CNTNAP2: variants seen among roughly 807,000 people sequenced by gnomAD.
The protein encoded by CNTNAP2 is contactin-associated protein-like 2.
A neutral mutation model predicts 155.2 loss-of-function variants in CNTNAP2; 98 were observed. The ratio of observed to expected loss-of-function variants is 0.63; its 90% CI spans 0.54 to 0.75. The LOEUF (loss-of-function observed/expected upper bound fraction) is 0.75. Ranked by LOEUF, CNTNAP2 falls within the 30% of genes least tolerant of loss-of-function variation. CNTNAP2 has a pLI of 0.00. For missense variants in CNTNAP2, 1,727 were observed against 1,688.1 expected (o/e 1.02, Z -0.40); for synonymous variants, 651 against 631.2 (o/e 1.03, Z -0.47).
intron 1 of CNTNAP2, among the ~76,000 whole-genome samples, chr7:146,656,450 T>C (rs1259491598): frequency 6.6e-6 from 1 of 152,214 alleles, no homozygotes; most frequent in Non-Finnish European, 1.5e-5. Context: ...AAATTGTCAC[T>C]GATCCATGTC....
At chr7:147,505,724 G>A (rs1798895069) in intron 11 of CNTNAP2, among the ~76,000 whole-genome samples, 1 of 152,228 alleles carries the variant, frequency 6.6e-6, no homozygotes, top group African/African-American at 2.4e-5. Context: ...GTTCCCAACA[G>A]GATGAAGTAT....
At chr7:147,055,635 A>G (rs1799547742) in intron 4 of CNTNAP2, among the ~76,000 whole-genome samples, 1 of 152,126 alleles carries the variant, frequency 6.6e-6, no homozygotes, top group African/African-American at 2.4e-5. Context: ...CGCAGGGGAC[A>G]TGGGGGTTGT....
At chr7:146,636,543 G>A (rs73739188) in intron 1 of CNTNAP2, among the ~76,000 whole-genome samples, 3,845 of 152,054 alleles carry the variant, frequency 0.025, 159 homozygotes, top group African/African-American at 0.088. Context: ...AAATTACTTA[G>A]CAACTTTGTA....
intron 2 of CNTNAP2, among the ~76,000 whole-genome samples, chr7:146,821,311 C>T (rs1803277882): frequency 6.6e-6 from 1 of 152,092 alleles, no homozygotes; most frequent in Admixed American, 6.6e-5. Flanking sequence ...ACCAGTTGTT[C>T]CTTTCTATGC....
chr7:146,213,847 C>T lies in CNTNAP2; in HGVS notation c.97+96874C>T, dbSNP rs114773894. Among the ~76,000 whole-genome samples, 783 of 152,248 alleles carry T rather than the reference C, an allele frequency of 5.1e-3. 3 individuals are homozygous for T. The highest frequency in any genetic ancestry group is 0.018 in the African/African-American group (737 of 41,534). ...AAATAAGATGCCATCATTGTTTTTC[C>T]ATGGAATTCAGAGGATTCGGTTACT... On this transcript the variant is annotated intron_variant, in intron 1 of 23. Transcript: ENST00000361727.
intron 3 of CNTNAP2, among the ~76,000 whole-genome samples, chr7:146,954,695 G>T (rs866084249): frequency 1.7e-4 from 25 of 151,192 alleles, no homozygotes; most frequent in African/African-American, 5.8e-4. Context: ...TTTGTGATAT[G>T]TGTTTTATTG....
intron 21 of CNTNAP2, among the ~76,000 whole-genome samples, chr7:148,328,976 GAAA>G (rs71188969): frequency 1.9e-4 from 13 of 69,254 alleles, no homozygotes; most frequent in South Asian, 1.6e-3. Flanking sequence ...ACTCTGTCTG[GAAA>G]AAAAAAAAAA....
chr7:147,473,439 G>A (rs1440329021), intron 10 of CNTNAP2, among the ~76,000 whole-genome samples: 4 of 152,064 alleles, frequency 2.6e-5, no homozygotes, highest in East Asian at 1.9e-4. Context: ...TTCAAATAGC[G>A]GCAGCACCGG....
At chr7:148,009,431 T>C (rs1423970980) in intron 15 of CNTNAP2, among the ~76,000 whole-genome samples, 1 of 152,198 alleles carries the variant, frequency 6.6e-6, no homozygotes. Context: ...GTAGTGTTTT[T>C]GGACAGGAGA....
At chr7:146,695,608 G>T (rs1362188067) in intron 1 of CNTNAP2, among the ~76,000 whole-genome samples, 1 of 151,626 alleles carries the variant, frequency 6.6e-6, no homozygotes, top group Non-Finnish European at 1.5e-5. Context: ...TATTTTTTTT[G>T]TAGAGAAGGG....
chr7:148,102,526 T>G (rs761043069), intron 15 of CNTNAP2, among the ~76,000 whole-genome samples: 3 of 152,194 alleles, frequency 2.0e-5, no homozygotes, highest in Non-Finnish European at 4.4e-5. Context: ...AAAACCTCAA[T>G]TTTACAACTT....
At chr7:148,155,134 C>T (rs547298436) in intron 17 of CNTNAP2, among the ~76,000 whole-genome samples, 1 of 152,130 alleles carries the variant, frequency 6.6e-6, no homozygotes, top group South Asian at 2.1e-4. Context: ...GATAACATTG[C>T]TAATTCTTGT....
intron 4 of CNTNAP2, among the ~76,000 whole-genome samples, chr7:147,046,588 T>TG (rs569866294): frequency 3.3e-5 from 5 of 152,044 alleles, no homozygotes; most frequent in Admixed American, 6.6e-5. Context: ...GGTATAGACT[T>TG]GGGGGGGTAA....
intron 1 of CNTNAP2, among the ~76,000 whole-genome samples, chr7:146,722,217 G>A (rs759920318): frequency 2.6e-5 from 4 of 151,690 alleles, no homozygotes; most frequent in Admixed American, 6.6e-5. Flanking sequence ...TAAACGATAA[G>A]GTGCTCACTA....
intron 13 of CNTNAP2, among the ~76,000 whole-genome samples, chr7:147,736,458 T>G (rs1796846951): frequency 6.6e-6 from 1 of 152,206 alleles, no homozygotes; most frequent in Non-Finnish European, 1.5e-5. Flanking sequence ...CTTAACATTT[T>G]TTTCTTCATT....
chr7:146,412,689 G>A (rs1279107570), intron 1 of CNTNAP2, among the ~76,000 whole-genome samples: 6 of 152,114 alleles, frequency 3.9e-5, no homozygotes, highest in Admixed American at 1.3e-4. Context: ...TCTATGAGGC[G>A]GAGCTGTAAG....
intron 14 of CNTNAP2, among the ~76,000 whole-genome samples, chr7:147,977,040 A>AT: frequency 6.6e-6 from 1 of 152,184 alleles, no homozygotes; most frequent in Non-Finnish European, 1.5e-5. Flanking sequence ...AAGGCCACTG[A>AT]TTTTCCATGA....
intron 2 of CNTNAP2, among the ~76,000 whole-genome samples, chr7:146,826,898 G>A (rs1206364565): frequency 6.7e-6 from 1 of 149,710 alleles, no homozygotes; most frequent in African/African-American, 2.5e-5. Flanking sequence ...AAGAATATCT[G>A]CATAAAATAA....
At chr7:146,367,011 T>C (rs1202602718) in intron 1 of CNTNAP2, among the ~76,000 whole-genome samples, 1 of 152,152 alleles carries the variant, frequency 6.6e-6, no homozygotes, top group African/African-American at 2.4e-5. Context: ...ATAGACAGTA[T>C]ATGAAAATAG....
Sources: allele counts gnomAD v4.1 joint callset (sites outside exome capture counted in the v4.1 genomes callset), GRCh38; gene constraint gnomAD v4.1.1; transcripts MANE v1.5; gene names NCBI Gene and HGNC (gene_info 2026-07-23, HGNC 2026-07-21).